Variants in PCCA observed in about 807,000 individuals in gnomAD.
PCCA encodes the protein propionyl-CoA carboxylase subunit alpha.
In PCCA, 74 loss-of-function variants were observed where a neutral mutation model predicts 101.3. That is an observed-to-expected ratio of 0.73 (90% confidence interval 0.61 to 0.89). The LOEUF (loss-of-function observed/expected upper bound fraction) is 0.89. Ranked by LOEUF, PCCA falls within the 40% of genes least tolerant of loss-of-function variation. The probability of loss-of-function intolerance (pLI) is 0.00; values close to 1 mark genes in which losing one functional copy is unlikely to be tolerated. For missense variants in PCCA, 891 were observed against 907.0 expected (o/e 0.98, Z 0.23); for synonymous variants, 294 against 313.6 (o/e 0.94, Z 0.66).
intron 16 of PCCA, among the ~76,000 whole-genome samples, chr13:100,321,350 A>T (rs1830078916): frequency 6.6e-6 from 1 of 152,188 alleles, no homozygotes; most frequent in Admixed American, 6.5e-5. Context: ...GCATCCTAGC[A>T]TATTGCCTTC....
chr13:100,260,453 G>A (rs1472063897), intron 9 of PCCA, among the ~76,000 whole-genome samples: 1 of 150,924 alleles, frequency 6.6e-6, no homozygotes, highest in Non-Finnish European at 1.5e-5. Flanking sequence ...CTGGAGTGCA[G>A]TGGTGCGATC....
chr13:100,307,229 T>A lies in PCCA; in HGVS notation c.1322T>A (p.Ile441Asn), dbSNP rs763908302. Residue 441 changes from isoleucine (I) to asparagine (N), a missense_variant, in exon 15 of 24, where the codon ATT becomes AAT. Ile to Asn is a moderately radical substitution (Grantham distance 149). Coordinates refer to ENST00000376285, the MANE Select transcript of PCCA (RefSeq NM_000282.4). ...VDSGIQPGSD[I>N]SIYYDPMISK... The stretch of plus-strand genomic sequence containing the variant: ...AGTGGCATCCAACCAGGAAGTGATA[T>A]TAGCATTTATTATGATCCTATGATT... 1 of 1,609,364 alleles carries A rather than the reference T, an allele frequency of 6.2e-7. No individual in the cohort carries two copies. Among genetic ancestry groups the A allele is most frequent in the Non-Finnish European group, 8.5e-7 (1 of 1,176,100 alleles).
At position 100,348,764 on chromosome 13, in the gene PCCA, CT is replaced by C. The variant is rs1170742986; in HGVS notation, c.1643+8508del. On this transcript the variant is annotated intron_variant, in intron 18 of 23. Coordinates refer to ENST00000376285, the MANE Select transcript of PCCA (RefSeq NM_000282.4). ...TCTTTCTTTCTTTCTTTCTTTCTTT[CT>C]TTCTTTCTTTCTTTCTTTCTTTCTT... is the stretch of plus-strand genomic sequence containing the variant. 8.5e-3 allele frequency among the ~76,000 whole-genome samples: 749 copies of C among 87,640 alleles called. 6 individuals are homozygous for C. The highest frequency in any genetic ancestry group is 0.01 in the African/African-American group (215 of 21,074). 57.5% of individuals were successfully genotyped at this position (87,640 alleles called of 152,430 possible). A position where few individuals can be genotyped will look rare whatever the true frequency, so the allele number is the denominator to read the frequency against.
chr13:100,158,714 A>G (rs1450911197), intron 6 of PCCA, among the ~76,000 whole-genome samples: 1 of 152,190 alleles, frequency 6.6e-6, no homozygotes, highest in Non-Finnish European at 1.5e-5. Flanking sequence ...TCGGCACACT[A>G]CAGTCCACAG....
chr13:100,346,828 TTA>T (rs2072306552), intron 18 of PCCA, among the ~76,000 whole-genome samples: 1 of 152,176 alleles, frequency 6.6e-6, no homozygotes, highest in Non-Finnish European at 1.5e-5. Flanking sequence ...AGCAAAAAGA[TTA>T]TGACTCACTA....
rs116276538 is a variant in PCCA, at chr13:100,435,340, A to G, written c.1845+9609A>G. Among the ~76,000 whole-genome samples, 1,017 of 152,332 alleles carry G rather than the reference A, an allele frequency of 6.7e-3. 17 individuals carry two copies. Among genetic ancestry groups the G allele is most frequent in the African/African-American group, 0.023 (972 of 41,572 alleles). ...CAACCAAGATCTACCTCTGTGATCC[A>G]AACACCTCCCACCAGGCCCCACCTG... On this transcript the variant is annotated intron_variant, in intron 20 of 23. Transcript: ENST00000376285.
intron 19 of PCCA, among the ~76,000 whole-genome samples, chr13:100,392,428 TAAAGA>T (rs1295772129): frequency 3.3e-5 from 5 of 152,234 alleles, no homozygotes; most frequent in Non-Finnish European, 1.5e-5. Context: ...TTGTTGTGAT[TAAAGA>T]AAACAATGAT....
chr13:100,275,043 T>TAGGGGGAGGGGG (rs1305802821), intron 12 of PCCA, among the ~76,000 whole-genome samples: 1 of 30,106 alleles, frequency 3.3e-5, no homozygotes, highest in Non-Finnish European at 6.5e-5. Flanking sequence ...CGTTAGGCCC[T>TAGGGGGAGGGGG]TGGGGGAGGG....
At chr13:100,329,561 G>A (rs771583774) in intron 16 of PCCA, among the ~76,000 whole-genome samples, 1 of 152,142 alleles carries the variant, frequency 6.6e-6, no homozygotes, top group Non-Finnish European at 1.5e-5. Flanking sequence ...AAGCAAATTG[G>A]AAGGATGAAA....
intron 16 of PCCA, among the ~76,000 whole-genome samples, chr13:100,321,529 A>G (rs2068029356): frequency 1.3e-5 from 2 of 151,230 alleles, no homozygotes; most frequent in Admixed American, 6.6e-5. Context: ...CAAGTAAATC[A>G]TTACCCACAG....
chr13:100,258,578 A>G (rs1439066800), intron 9 of PCCA, among the ~76,000 whole-genome samples: 1 of 151,972 alleles, frequency 6.6e-6, no homozygotes, highest in African/African-American at 2.4e-5. Flanking sequence ...TCATCTTAGG[A>G]TCTCAGGTTT....
chr13:100,524,176 C>T (rs959177746), intron 22 of PCCA, among the ~76,000 whole-genome samples: 9 of 152,228 alleles, frequency 5.9e-5, no homozygotes, highest in African/African-American at 2.2e-4. Flanking sequence ...CGAGTGCTGG[C>T]ATTTTGCTGT....
At chr13:100,179,009 G>A (rs547297329) in intron 6 of PCCA, among the ~76,000 whole-genome samples, 3 of 151,136 alleles carry the variant, frequency 2.0e-5, no homozygotes, top group East Asian at 3.9e-4. Flanking sequence ...CCCGGGAGGT[G>A]GAGCTTGCAG....
chr13:100,353,830 A>G (rs559644409), intron 18 of PCCA, among the ~76,000 whole-genome samples: 5 of 151,998 alleles, frequency 3.3e-5, no homozygotes, highest in South Asian at 2.1e-4. Flanking sequence ...GCACGTGCCT[A>G]TAGTCCTTGC....
At chr13:100,494,297 C>G (rs1356031741) in intron 21 of PCCA, among the ~76,000 whole-genome samples, 1 of 152,208 alleles carries the variant, frequency 6.6e-6, no homozygotes, top group Admixed American at 6.5e-5. Context: ...TGTTATCTAA[C>G]AAGAACATTG....
intron 19 of PCCA, among the ~76,000 whole-genome samples, chr13:100,390,085 T>C (rs2076726921): frequency 6.6e-6 from 1 of 152,214 alleles, no homozygotes. Flanking sequence ...AGATTTAAGA[T>C]GTAGAATTAA....
intron 4 of PCCA, among the ~76,000 whole-genome samples, chr13:100,115,227 T>A (rs553069662): frequency 2.0e-5 from 3 of 152,042 alleles, no homozygotes; most frequent in Non-Finnish European, 2.9e-5. Context: ...ATGAAAACAA[T>A]TGGACTCATA....
At chr13:100,321,713 A>G (rs775417255) in intron 16 of PCCA, among the ~76,000 whole-genome samples, 2 of 151,678 alleles carry the variant, frequency 1.3e-5, no homozygotes, top group Admixed American at 6.6e-5. Context: ...AACTTTTTCC[A>G]TGGAATTTTT....
intron 19 of PCCA, among the ~76,000 whole-genome samples, chr13:100,409,020 A>G (rs2152866265): frequency 6.6e-6 from 1 of 152,326 alleles, no homozygotes; most frequent in Admixed American, 6.5e-5. Context: ...GGAAGGCTCC[A>G]GTGGCTCGTG....
Sources: allele counts gnomAD v4.1 joint callset (sites outside exome capture counted in the v4.1 genomes callset), GRCh38; gene constraint gnomAD v4.1.1; transcripts MANE v1.5; gene names NCBI Gene and HGNC (gene_info 2026-07-23, HGNC 2026-07-21).